NEK7: variants seen among roughly 807,000 people sequenced by gnomAD.
NEK7 encodes the protein NIMA related kinase 7.
Under a neutral mutation model 44.6 loss-of-function variants are expected in NEK7, and 18 were observed. The observed-to-expected ratio is 0.40, with a 90% CI of 0.28 to 0.60. The LOEUF is 0.60. Ranked by LOEUF, NEK7 falls within the 20% of genes least tolerant of loss-of-function variation. NEK7 has a pLI of 0.38. For missense variants in NEK7, 256 were observed against 366.5 expected (o/e 0.70, Z 2.46); for synonymous variants, 130 against 121.1 (o/e 1.07, Z -0.48).
chr1:198,295,097 A>AG (rs1207452714), intron 8 of NEK7, among the ~76,000 whole-genome samples: 11 of 152,146 alleles, frequency 7.2e-5, no homozygotes, highest in Non-Finnish European at 1.5e-4. Flanking sequence ...CAAAAAAAAA[A>AG]AAAAACTAGC....
intron 2 of NEK7, among the ~76,000 whole-genome samples, chr1:198,246,608 T>C (rs1267720910): frequency 6.6e-6 from 1 of 152,264 alleles, no homozygotes; most frequent in Non-Finnish European, 1.5e-5. Flanking sequence ...GTGTGTGATC[T>C]GACATGCAAA....
intron 1 of NEK7, among the ~76,000 whole-genome samples, chr1:198,195,809 G>A (rs58829554): frequency 0.18 from 27,101 of 151,718 alleles, 2,692 homozygotes; most frequent in African/African-American, 0.24. Context: ...TTGGTGAGTG[G>A]GACTCCATCT....
At position 198,238,623 on chromosome 1, in the gene NEK7, A is replaced by G. The variant is rs1186760663; in HGVS notation, c.57+5986A>G. Reference sequence around the variant, plus strand: ...TAACATTGCCTCATTTAATCCTAACATAAACCATATAAGGCATTCTTTTTT... The same window carrying G: ...TAACATTGCCTCATTTAATCCTAACGTAAACCATATAAGGCATTCTTTTTT... On this transcript the variant is annotated intron_variant, in intron 2 of 9. Transcript: ENST00000367385. Among the ~76,000 whole-genome samples, 3 of 152,182 alleles carry G rather than the reference A, an allele frequency of 2.0e-5. 1 individual carries two copies. The highest frequency in any genetic ancestry group is 2.0e-4 in the Admixed American group (3 of 15,268).
chr1:198,283,410 T>C (rs550342061), intron 7 of NEK7, among the ~76,000 whole-genome samples: 80 of 152,210 alleles, frequency 5.3e-4, no homozygotes, highest in African/African-American at 1.8e-3. Context: ...TTGGAACTCA[T>C]TAGCCCATAG....
intron 9 of NEK7, among the ~76,000 whole-genome samples, chr1:198,305,957 T>G (rs1655012930): frequency 6.6e-6 from 1 of 152,154 alleles, no homozygotes; most frequent in African/African-American, 2.4e-5. Flanking sequence ...GCAGATCAAG[T>G]TAGAATTTTC....
At chr1:198,163,181 A>G (rs1313494133) in intron 1 of NEK7, among the ~76,000 whole-genome samples, 1 of 152,130 alleles carries the variant, frequency 6.6e-6, no homozygotes, top group Non-Finnish European at 1.5e-5. Flanking sequence ...CTTTATATCT[A>G]ACTGCTGGAC....
intron 3 of NEK7, among the ~76,000 whole-genome samples, chr1:198,259,484 A>G (rs942833067): frequency 6.6e-6 from 1 of 152,148 alleles, no homozygotes; most frequent in Non-Finnish European, 1.5e-5. Context: ...ATATACTTAC[A>G]ATTTTGTGCT....
In NEK7 at chr1:198,213,159, C is replaced by T. The variant is rs570503103; in HGVS notation, c.-28-19394C>T. ...CTGGAGTGGGACAGCATCACTTGAC[C>T]GAGAGTCATAGAAGGATTCACAGTA... On this transcript the variant is annotated intron_variant, in intron 1 of 9. Transcript: ENST00000367385. 1.5e-4 allele frequency among the ~76,000 whole-genome samples: 23 copies of T among 152,214 alleles called. No homozygotes were observed. The South Asian group carries it at 4.4e-3, about 29-fold the overall frequency.
At chr1:198,213,345 T>G (rs1665830091) in intron 1 of NEK7, among the ~76,000 whole-genome samples, 1 of 152,090 alleles carries the variant, frequency 6.6e-6, no homozygotes, top group Non-Finnish European at 1.5e-5. Flanking sequence ...CTGGGCTCAG[T>G]GGGGAAAGTC....
intron 3 of NEK7, chr1:198,256,433 A>T (rs1311298351): frequency 6.2e-7 from 1 of 1,610,640 alleles, no homozygotes; most frequent in East Asian, 2.2e-5. Flanking sequence ...GGCAACATTA[A>T]CCAATCTTTT....
At chr1:198,169,219 A>T (rs1419294230) in intron 1 of NEK7, among the ~76,000 whole-genome samples, 1 of 152,174 alleles carries the variant, frequency 6.6e-6, no homozygotes, top group Non-Finnish European at 1.5e-5. Flanking sequence ...AAGGAAGGTC[A>T]ATTTTTCAGT....
chr1:198,300,587 G>A (rs548997755), intron 9 of NEK7, among the ~76,000 whole-genome samples: 8 of 152,264 alleles, frequency 5.3e-5, no homozygotes, highest in African/African-American at 1.9e-4. Context: ...CCATGTTGTA[G>A]TAGCTTCCTT....
chr1:198,314,250 C>T (rs1558107827), intron 9 of NEK7, among the ~76,000 whole-genome samples: 1 of 152,214 alleles, frequency 6.6e-6, no homozygotes, highest in Non-Finnish European at 1.5e-5. Flanking sequence ...CTGCATTCTT[C>T]ACGTAGTTCT....
At chr1:198,311,045 C>T (rs1159439386) in intron 9 of NEK7, among the ~76,000 whole-genome samples, 4 of 149,176 alleles carry the variant, frequency 2.7e-5, no homozygotes, top group East Asian at 2.0e-4. Context: ...GCCATTTTCA[C>T]GATATTGATT....
chr1:198,217,914 T>C (rs1410417073), intron 1 of NEK7, among the ~76,000 whole-genome samples: 2 of 149,654 alleles, frequency 1.3e-5, no homozygotes, highest in Non-Finnish European at 3.0e-5. Flanking sequence ...CAAGGAGAAC[T>C]GCAAAACACT....
chr1:198,220,911 T>G (rs1199559143), intron 1 of NEK7: 1 of 152,098 alleles, frequency 6.6e-6, no homozygotes, highest in African/African-American at 2.4e-5. Context: ...CTTATTAATA[T>G]TCTCAGAATA....
chr1:198,220,080 C>T (rs1666040411), intron 1 of NEK7, among the ~76,000 whole-genome samples: 1 of 151,916 alleles, frequency 6.6e-6, no homozygotes. Flanking sequence ...TATTAGGTGG[C>T]ATTCTTTTGT....
intron 2 of NEK7, among the ~76,000 whole-genome samples, chr1:198,244,859 T>G (rs1359956058): frequency 1.3e-5 from 2 of 151,774 alleles, no homozygotes; most frequent in Non-Finnish European, 2.9e-5. Flanking sequence ...AGAAACTCAG[T>G]GTGTCTGGAA....
chr1:198,282,041 G>A (rs930464220), intron 7 of NEK7, among the ~76,000 whole-genome samples: 10 of 151,980 alleles, frequency 6.6e-5, no homozygotes, highest in Admixed American at 5.9e-4. Context: ...CTTCAAAACA[G>A]AAAAATATCC....
Sources: gnomAD v4.1 joint callset for allele counts (sites outside exome capture counted in the v4.1 genomes callset) on GRCh38, gnomAD v4.1.1 for gene constraint, MANE v1.5 for transcripts, NCBI Gene and HGNC (gene_info 2026-07-23, HGNC 2026-07-21) for gene names.